Variants in ADAMTSL1 observed in about 807,000 individuals in gnomAD.
The protein encoded by ADAMTSL1 is ADAMTS-like protein 1.
ADAMTSL1 carries 126 observed loss-of-function variants against 201.8 expected under a neutral mutation model. The ratio of observed to expected loss-of-function variants is 0.62; its 90% confidence interval spans 0.54 to 0.72. ADAMTSL1 has a LOEUF of 0.72. Among genes scored for constraint, ADAMTSL1 ranks in the 30% least tolerant of loss-of-function variants. The probability of loss-of-function intolerance (pLI) is 0.00; values close to 1 mark genes in which losing one functional copy is unlikely to be tolerated. For synonymous variants in ADAMTSL1, 1,121 were observed against 903.4 expected (o/e 1.24, Z -4.32); for missense variants, 2,679 against 2,277.8 (o/e 1.18, Z -3.59).
At position 17,995,745 on chromosome 9, in the gene ADAMTSL1, ATTTAT is replaced by A. The variant is rs1200168073; in HGVS notation, c.87+88824_87+88828del. Among the ~76,000 whole-genome samples, 14 of 151,944 alleles carry A rather than the reference ATTTAT, an allele frequency of 9.2e-5. No individual in the cohort carries two copies. The East Asian group carries it at 1.9e-3, about 21-fold the overall frequency. On this transcript the variant is annotated intron_variant, in intron 1 of 29. Coordinates refer to the ADAMTSL1 transcript ENST00000680146. ...TAGAGAAGATACATTTATAATTAGTATTTATATTATAGGAGTTAGAGTGCTAAAAA... is the reference window on the plus strand; with the variant it reads ...TAGAGAAGATACATTTATAATTAGTAATTATAGGAGTTAGAGTGCTAAAAA...
chr9:18,779,744 T>G (rs2133772141), intron 19 of ADAMTSL1, among the ~76,000 whole-genome samples: 1 of 152,298 alleles, frequency 6.6e-6, no homozygotes, highest in Middle Eastern at 3.4e-3. Context: ...GAGTGGCAGC[T>G]CCAGTGTGTG....
intron 1 of ADAMTSL1, among the ~76,000 whole-genome samples, chr9:18,093,201 A>C (rs138268705): frequency 0.012 from 1,789 of 152,332 alleles, 37 homozygotes; most frequent in African/African-American, 0.039. Context: ...AATACTATTT[A>C]GAAGAAATAT....
chr9:18,038,730 A>AC (rs1821310038), intron 1 of ADAMTSL1, among the ~76,000 whole-genome samples: 1 of 152,208 alleles, frequency 6.6e-6, no homozygotes, highest in Admixed American at 6.5e-5. Context: ...CTAACAACTT[A>AC]CCACCAACTT....
At chr9:18,726,145 C>A (rs1001476057) in intron 15 of ADAMTSL1, among the ~76,000 whole-genome samples, 2 of 152,078 alleles carry the variant, frequency 1.3e-5, no homozygotes, top group Non-Finnish European at 2.9e-5. Context: ...TAAAAGAAAA[C>A]GTGATTTTTA....
At chr9:18,734,973 C>T (rs1259765282) in intron 15 of ADAMTSL1, among the ~76,000 whole-genome samples, 1 of 152,102 alleles carries the variant, frequency 6.6e-6, no homozygotes, top group Admixed American at 6.5e-5. Flanking sequence ...GTCCTGTAAC[C>T]ACATAATGCA....
intron 13 of ADAMTSL1, among the ~76,000 whole-genome samples, chr9:18,693,051 A>AT (rs1384940279): frequency 6.6e-6 from 1 of 152,102 alleles, no homozygotes; most frequent in African/African-American, 2.4e-5. Flanking sequence ...TTTTCCCAAA[A>AT]TTTTATGGAT....
At chr9:18,008,522 A>C (rs938469106) in intron 1 of ADAMTSL1, among the ~76,000 whole-genome samples, 1 of 151,892 alleles carries the variant, frequency 6.6e-6, no homozygotes, top group Non-Finnish European at 1.5e-5. Context: ...AACAATCCCA[A>C]ATATTAGGGG....
intron 1 of ADAMTSL1, among the ~76,000 whole-genome samples, chr9:18,127,600 A>G (rs1825792926): frequency 6.6e-6 from 1 of 152,166 alleles, no homozygotes; most frequent in African/African-American, 2.4e-5. Flanking sequence ...GGGCTTGAAA[A>G]GTGATACATC....
chr9:18,436,910 A>T (rs112479063), intron 2 of ADAMTSL1, among the ~76,000 whole-genome samples: 2 of 152,176 alleles, frequency 1.3e-5, no homozygotes, highest in Admixed American at 6.5e-5. Flanking sequence ...CAGGAGCAGT[A>T]GGTGGAGGGA....
intron 1 of ADAMTSL1, among the ~76,000 whole-genome samples, chr9:17,968,965 G>C (rs16936163): frequency 6.6e-6 from 1 of 151,952 alleles, no homozygotes; most frequent in African/African-American, 2.4e-5. Context: ...CAATGTGCTC[G>C]TCTAGGGTCT....
At position 18,073,407 on chromosome 9, in the gene ADAMTSL1, T is replaced by A. The variant is rs991974850; in HGVS notation, c.88-90455T>A. Reference sequence around the variant, plus strand: ...CTTTATAAATCCATCTAGGTGATATTTACAGAATTGTTAAGAAGATATCTA... The same window carrying A: ...CTTTATAAATCCATCTAGGTGATATATACAGAATTGTTAAGAAGATATCTA... On this transcript the variant is annotated intron_variant, in intron 1 of 29. Transcript: ENST00000680146. Among the ~76,000 whole-genome samples the A allele has an allele frequency of 2.6e-5, 4 of 152,308 alleles. No homozygotes were observed. In the East Asian group the frequency reaches 7.7e-4, roughly 29 times the overall value.
At chr9:18,327,753 A>G (rs184482961) in intron 2 of ADAMTSL1, among the ~76,000 whole-genome samples, 273 of 152,338 alleles carry the variant, frequency 1.8e-3, no homozygotes, top group Non-Finnish European at 2.2e-3. Flanking sequence ...CTTGACTGAA[A>G]GCTTAAAGAG....
rs560126673 is a variant in ADAMTSL1 at position 18,663,979 on chromosome 9, A to G, written c.1085+1906A>G. Among the ~76,000 whole-genome samples the G allele has an allele frequency of 5.9e-5, 9 of 152,210 alleles. No individual in the cohort carries two copies. The South Asian group carries it at 1.7e-3, about 28-fold the overall frequency. On this transcript the variant is annotated intron_variant, in intron 9 of 28. Coordinates refer to ENST00000380548, the MANE Select transcript of ADAMTSL1 (RefSeq NM_001040272.6). Reference sequence around the variant, plus strand: ...TGTCCAGTGTTATTTTAAAACATTTATTACAGCACATGAGTAAATGTTGGG... The same window carrying G: ...TGTCCAGTGTTATTTTAAAACATTTGTTACAGCACATGAGTAAATGTTGGG...
At chr9:18,252,792 G>C (rs1831518104) in intron 2 of ADAMTSL1, among the ~76,000 whole-genome samples, 1 of 152,108 alleles carries the variant, frequency 6.6e-6, no homozygotes, top group African/African-American at 2.4e-5. Flanking sequence ...AATGTTGCTG[G>C]TTGGGTATTA....
At chr9:17,990,612 T>A (rs1819116369) in intron 1 of ADAMTSL1, among the ~76,000 whole-genome samples, 1 of 152,142 alleles carries the variant, frequency 6.6e-6, no homozygotes, top group Admixed American at 6.5e-5. Context: ...ATACTTAATT[T>A]CCTGGTTGTC....
rs780033474 is a variant in ADAMTSL1 at position 18,675,834 on chromosome 9, G to A, written c.1086-23G>A. The A allele has an allele frequency of 7.4e-6, 12 of 1,611,110 alleles. No homozygotes were observed. In the East Asian group the frequency reaches 1.8e-4, roughly 24 times the overall value. On this transcript the variant is annotated intron_variant, in intron 9 of 28. Transcript: ENST00000380548. ...ATTGTGTGTACCTTCTACTCAGAGG[G>A]TTGGCATTATTGTTCCTAACAGTGA...
intron 13 of ADAMTSL1, among the ~76,000 whole-genome samples, chr9:18,693,254 T>C (rs1045216884): frequency 1.3e-5 from 2 of 152,230 alleles, no homozygotes; most frequent in African/African-American, 4.8e-5. Context: ...ATTTTTTTAT[T>C]CTTCAAAATG....
At chr9:17,950,753 C>A (rs544028216) in intron 1 of ADAMTSL1, among the ~76,000 whole-genome samples, 2 of 151,972 alleles carry the variant, frequency 1.3e-5, no homozygotes, top group African/African-American at 4.8e-5. Context: ...ACAGATGGCA[C>A]GGCACACTCA....
intron 2 of ADAMTSL1, among the ~76,000 whole-genome samples, chr9:18,278,062 C>A (rs1832651458): frequency 6.6e-6 from 1 of 152,024 alleles, no homozygotes; most frequent in African/African-American, 2.4e-5. Flanking sequence ...ATTATTCTTC[C>A]CCTACATTTT....
Sources: allele counts gnomAD v4.1 joint callset (sites outside exome capture counted in the v4.1 genomes callset), GRCh38; gene constraint gnomAD v4.1.1; transcripts MANE v1.5; gene names NCBI Gene and HGNC (gene_info 2026-07-23, HGNC 2026-07-21).